The following KSR2 variants were observed in gnomAD, a reference collection of about 807,000 sequenced individuals.
The protein encoded by KSR2 is kinase suppressor of ras 2.
In KSR2, 25 loss-of-function variants were observed where a neutral mutation model predicts 107.8. The ratio of observed to expected loss-of-function variants is 0.23; its 90% CI spans 0.17 to 0.32. The LOEUF is 0.32. Among genes scored for constraint, KSR2 ranks in the 10% least tolerant of loss-of-function variants. The pLI is 1.00. For missense variants in KSR2, 887 were observed against 1,268.9 expected, an observed-to-expected ratio of 0.70 and a Z score of 4.57; for synonymous variants, 480 against 507.0, an observed-to-expected ratio of 0.95 and a Z score of 0.71.
chr12:117,968,417 A>G lies in KSR2; in HGVS notation c.-162T>C. ...TCTCACACAGGGTTGAGGGGGTGGG[A>G]GTGGGAGGAGGGGACAAGAGCCAAA... is the stretch of plus-strand genomic sequence containing the variant. On this transcript the variant is annotated 5_prime_UTR_variant, in exon 1 of 20. Transcript: ENST00000339824. The G allele has an allele frequency of 1.5e-6, 2 of 1,325,564 alleles. No individual in the cohort carries two copies. The highest frequency in any genetic ancestry group is 1.5e-5 in the African/African-American group (1 of 65,320). The allele number at this position is 1,325,564 out of a possible 1,614,324, so 82.1% of individuals were successfully genotyped here. A position where few individuals can be genotyped will look rare whatever the true frequency, so the allele number is the denominator to read the frequency against.
intron 5 of KSR2, among the ~76,000 whole-genome samples, chr12:117,623,415 T>A (rs1593062291): frequency 6.6e-6 from 1 of 152,174 alleles, no homozygotes; most frequent in Non-Finnish European, 1.5e-5. Flanking sequence ...GTGTGTGATG[T>A]TCCCTCCCTG....
rs114733081 is a variant in KSR2, at chr12:117,704,479, C to A, written c.987-36821G>T. On this transcript the variant is annotated intron_variant, in intron 4 of 19. Transcript: ENST00000339824. Reference sequence around the variant, plus strand: ...CCCCCAAAACCCTGGTGAAACAGAGCCTGTGTGACCCATAAAGCCTAAAAT... The same window carrying A: ...CCCCCAAAACCCTGGTGAAACAGAGACTGTGTGACCCATAAAGCCTAAAAT... Among the ~76,000 whole-genome samples the A allele has an allele frequency of 5.5e-3, 837 of 152,254 alleles. 7 individuals carry two copies. The highest frequency in any genetic ancestry group is 0.019 in the African/African-American group (806 of 41,546).
chr12:117,610,383 C>A (rs573736165), intron 5 of KSR2, among the ~76,000 whole-genome samples: 2 of 152,020 alleles, frequency 1.3e-5, no homozygotes, highest in South Asian at 2.1e-4. Flanking sequence ...AAATTTCAAA[C>A]AATAAAAGAA....
intron 5 of KSR2, among the ~76,000 whole-genome samples, chr12:117,664,562 C>A (rs1884575526): frequency 6.6e-6 from 1 of 152,102 alleles, no homozygotes; most frequent in Admixed American, 6.5e-5. Context: ...TTCTCCCAAC[C>A]CCAAGCCCCA....
chr12:117,480,068 C>A (rs1003961875), intron 16 of KSR2, among the ~76,000 whole-genome samples: 1 of 140,516 alleles, frequency 7.1e-6, no homozygotes. Flanking sequence ...GTGTTTATCT[C>A]GAGGACTCAG....
At chr12:117,754,292 T>C (rs915005562) in intron 4 of KSR2, among the ~76,000 whole-genome samples, 1 of 151,972 alleles carries the variant, frequency 6.6e-6, no homozygotes, top group Non-Finnish European at 1.5e-5. Flanking sequence ...GATCATCTGA[T>C]AAAAACCACC....
chr12:117,740,374 A>G (rs1888134773), intron 4 of KSR2, among the ~76,000 whole-genome samples: 2 of 140,452 alleles, frequency 1.4e-5, no homozygotes, highest in Non-Finnish European at 3.0e-5. Flanking sequence ...TATATTAGAT[A>G]TGTTATATAT....
intron 1 of KSR2, among the ~76,000 whole-genome samples, chr12:117,880,713 CTTT>C (rs545456495): frequency 0.34 from 39,330 of 116,006 alleles, 6,632 homozygotes; most frequent in East Asian, 0.8. Context: ...TTGCCAGATT[CTTT>C]TTTTTTTTTT....
intron 1 of KSR2, among the ~76,000 whole-genome samples, chr12:117,906,843 C>T (rs1011144249): frequency 6.6e-6 from 1 of 152,028 alleles, no homozygotes; most frequent in African/African-American, 2.4e-5. Flanking sequence ...GCCAGGGCAA[C>T]ATACTGAGGC....
intron 7 of KSR2, among the ~76,000 whole-genome samples, chr12:117,562,745 G>A (rs1321958865): frequency 6.6e-6 from 1 of 152,026 alleles, no homozygotes; most frequent in Admixed American, 6.5e-5. Context: ...TTGCAGTAAT[G>A]GAAAAGCCCT....
At chr12:117,719,766 T>C (rs944188961) in intron 4 of KSR2, among the ~76,000 whole-genome samples, 28 of 152,250 alleles carry the variant, frequency 1.8e-4, no homozygotes, top group African/African-American at 6.8e-4. Flanking sequence ...ATAAATTGTT[T>C]AGCCAAATTC....
At chr12:117,956,521 T>C (rs941555000) in intron 1 of KSR2, among the ~76,000 whole-genome samples, 4 of 151,624 alleles carry the variant, frequency 2.6e-5, no homozygotes, top group Admixed American at 6.6e-5. Flanking sequence ...TGAGCCATGA[T>C]TGCACCACCG....
intron 1 of KSR2, among the ~76,000 whole-genome samples, chr12:117,951,592 T>C (rs1254558853): frequency 6.6e-6 from 1 of 151,804 alleles, no homozygotes; most frequent in Non-Finnish European, 1.5e-5. Flanking sequence ...TTCCAACAAC[T>C]CCAGACCCCC....
At chr12:117,677,476 C>T (rs1885184092) in intron 4 of KSR2, among the ~76,000 whole-genome samples, 1 of 152,138 alleles carries the variant, frequency 6.6e-6, no homozygotes, top group African/African-American at 2.4e-5. Flanking sequence ...ACCAACCCTG[C>T]CAACACCTCG....
At chr12:117,576,135 T>C (rs539569287) in intron 7 of KSR2, among the ~76,000 whole-genome samples, 1 of 152,370 alleles carries the variant, frequency 6.6e-6, no homozygotes, top group South Asian at 2.1e-4. Flanking sequence ...TTCTGAGTTC[T>C]GCCTCTAGTG....
At position 117,820,551 on chromosome 12, in the gene KSR2, C is replaced by T. The variant is rs539075598; in HGVS notation, c.472+34877G>A. Among the ~76,000 whole-genome samples, 66 of 152,150 alleles carry T rather than the reference C, an allele frequency of 4.3e-4. 1 individual carries two copies. The highest frequency in any genetic ancestry group is 1.3e-4 in the Non-Finnish European group (9 of 68,030). On this transcript the variant is annotated intron_variant, in intron 3 of 19. Coordinates refer to ENST00000339824, the MANE Select transcript of KSR2 (RefSeq NM_173598.6). The stretch of plus-strand genomic sequence containing the variant: ...GTTGTCTTGCAATTTGAAAACCAGG[C>T]TCTGGCTCCAGACCCTGGGGAAGGA...
intron 2 of KSR2, among the ~76,000 whole-genome samples, chr12:117,858,941 G>GT (rs1893189187): frequency 6.6e-6 from 1 of 152,150 alleles, no homozygotes; most frequent in Admixed American, 6.5e-5. Flanking sequence ...ATGTCCGCTG[G>GT]TTTTATTAGG....
intron 1 of KSR2, among the ~76,000 whole-genome samples, chr12:117,861,966 G>A (rs1335989103): frequency 6.6e-6 from 1 of 151,952 alleles, no homozygotes; most frequent in Non-Finnish European, 1.5e-5. Context: ...CAATTTGGAA[G>A]AATAAACTCC....
rs182779198 is a variant in KSR2 at position 117,842,778 on chromosome 12, G to C, written c.472+12650C>G. 3.5e-3 allele frequency among the ~76,000 whole-genome samples: 531 copies of C among 152,274 alleles called. 14 individuals are homozygous for C. Among genetic ancestry groups the C allele is most frequent in the Admixed American group, 0.033 (504 of 15,298 alleles). On this transcript the variant is annotated intron_variant, in intron 3 of 19. Coordinates refer to ENST00000339824, the MANE Select transcript of KSR2 (RefSeq NM_173598.6). This position sits in a 1 kb window ranked among gnomAD's most constrained non-coding sequence, Gnocchi z 4.2. ...GAAGCAGCAGGTGGGCAAGACAGAGGGGGCAGGGGTGGCCTGCAAGAAAGA... is the reference window on the plus strand; with the variant it reads ...GAAGCAGCAGGTGGGCAAGACAGAGCGGGCAGGGGTGGCCTGCAAGAAAGA...
Sources: allele counts gnomAD v4.1 joint callset (sites outside exome capture counted in the v4.1 genomes callset), GRCh38; gene constraint gnomAD v4.1.1; non-coding constraint Gnocchi (gnomAD v3.1); transcripts MANE v1.5; gene names NCBI Gene and HGNC (gene_info 2026-07-23, HGNC 2026-07-21).